WDR72: variants seen among roughly 807,000 people sequenced by gnomAD.
WDR72 encodes the protein WD repeat domain 72, also known as WD repeat-containing protein 72.
A neutral mutation model predicts 124.2 loss-of-function variants in WDR72; 120 were observed. The ratio of observed to expected loss-of-function variants is 0.97; its 90% CI spans 0.83 to 1.12. The LOEUF is 1.12. Among genes scored for constraint, WDR72 ranks in the 50% most tolerant of loss-of-function variants. WDR72 has a pLI of 0.00. For synonymous variants in WDR72, 452 were observed against 441.7 expected (o/e 1.02, Z -0.29); for missense variants, 1,387 against 1,278.8 (o/e 1.08, Z -1.29).
At chr15:53,602,973 C>T (rs2140348455) in intron 17 of WDR72, among the ~76,000 whole-genome samples, 1 of 152,204 alleles carries the variant, frequency 6.6e-6, no homozygotes, top group East Asian at 1.9e-4. Flanking sequence ...AGGATTCGTC[C>T]CTAACTCATT....
chr15:53,620,303 A>G (rs1306294695), intron 14 of WDR72, among the ~76,000 whole-genome samples: 1 of 152,054 alleles, frequency 6.6e-6, no homozygotes, highest in Non-Finnish European at 1.5e-5. Context: ...CCAAAAATTC[A>G]TATATATTGT....
Position 53,730,980 on chromosome 15 carries a change from C to T in WDR72, c.153+2017G>A, listed in dbSNP as rs922705672. ...AAGATTCATGGGAAAATAAGAGATG[C>T]TATTTATTCAGTCTGGCTCTATGGT... is the stretch of plus-strand genomic sequence containing the variant. On this transcript the variant is annotated intron_variant, in intron 2 of 19. Transcript: ENST00000360509. 5.9e-5 allele frequency among the ~76,000 whole-genome samples: 9 copies of T among 151,654 alleles called. No individual in the cohort carries two copies. In the South Asian group the frequency reaches 1.9e-3, roughly 32 times the overall value.
chr15:53,705,071 C>A lies in WDR72; in HGVS notation c.1265G>T (p.Gly422Val), dbSNP rs367586778. The change falls in exon 11 of 20, where the codon GGC becomes GTC. Residue 422 changes from glycine to valine, a missense_variant. Coordinates refer to ENST00000360509, the MANE Select transcript of WDR72 (RefSeq NM_182758.4). ...AATGATAATTGTCCCATCTTCACAG[C>A]CACATATTAGTTTATCAAGACTTGG... ...YIPSLDKLIC[G>V]CEDGTIIITQ... 6.2e-7 allele frequency: 1 copy of A among 1,614,048 alleles called. No homozygotes were observed. Among genetic ancestry groups the A allele is most frequent in the Non-Finnish European group, 8.5e-7 (1 of 1,180,014 alleles).
chr15:53,565,673 ATTAAG>A (rs1453571027), intron 18 of WDR72, among the ~76,000 whole-genome samples: 7 of 151,954 alleles, frequency 4.6e-5, no homozygotes, highest in African/African-American at 1.4e-4. Context: ...CTGATGGACA[ATTAAG>A]TTATTTTCAA....
chr15:53,712,632 TA>T, intron 7 of WDR72, 139 bp downstream of exon 7: 1 of 902,270 alleles, frequency 1.1e-6, no homozygotes. Flanking sequence ...ACGTCAGTCA[TA>T]AAAGACACAT....
At chr15:53,681,277 C>T (rs2016374698) in intron 13 of WDR72, among the ~76,000 whole-genome samples, 1 of 152,112 alleles carries the variant, frequency 6.6e-6, no homozygotes, top group South Asian at 2.1e-4. Flanking sequence ...TGAAAGAAGG[C>T]AGCGTGGGGA....
chr15:53,575,037 ACAC>A (rs1249933600), intron 18 of WDR72, among the ~76,000 whole-genome samples: 4 of 151,486 alleles, frequency 2.6e-5, no homozygotes, highest in Admixed American at 2.6e-4. Flanking sequence ...ACACACACAC[ACAC>A]ATTTAAAATG....
intron 19 of WDR72, among the ~76,000 whole-genome samples, chr15:53,520,588 C>T (rs937431483): frequency 6.6e-6 from 1 of 152,052 alleles, no homozygotes; most frequent in Non-Finnish European, 1.5e-5. Context: ...TCCCAAATCT[C>T]ACCACCTAAA....
rs187379392 is a variant in WDR72 at position 53,537,260 on chromosome 15, T to C, written c.3149-13938A>G. ...ACAAGGATTCTGCTTCTAAGAGTGA[T>C]GGTTTAATTGAATGACATTGTATAA... On this transcript the variant is annotated intron_variant, in intron 18 of 19. Transcript: ENST00000360509. Among the ~76,000 whole-genome samples the C allele has an allele frequency of 1.3e-4, 20 of 152,296 alleles. No individual in the cohort carries two copies. The South Asian group carries it at 3.3e-3, about 25-fold the overall frequency.
At chr15:53,750,441 G>C (rs186649453) in intron 1 of WDR72, among the ~76,000 whole-genome samples, 1 of 152,114 alleles carries the variant, frequency 6.6e-6, no homozygotes, top group Admixed American at 6.5e-5. Flanking sequence ...ACAATGCACC[G>C]AGTCAACCAA....
intron 18 of WDR72, among the ~76,000 whole-genome samples, chr15:53,581,507 A>G (rs746881488): frequency 1.6e-4 from 25 of 152,206 alleles, no homozygotes; most frequent in Non-Finnish European, 2.8e-4. Flanking sequence ...TTCTTTCTTA[A>G]ACAATAAAAT....
At chr15:53,748,575 C>T (rs1489328598) in intron 1 of WDR72, among the ~76,000 whole-genome samples, 1 of 152,092 alleles carries the variant, frequency 6.6e-6, no homozygotes, top group African/African-American at 2.4e-5. Flanking sequence ...CTTTCCTCTA[C>T]CTTTCAAAAC....
chr15:53,648,292 T>G (rs1310145035), intron 14 of WDR72, among the ~76,000 whole-genome samples: 1 of 152,150 alleles, frequency 6.6e-6, no homozygotes, highest in African/African-American at 2.4e-5. Flanking sequence ...TCTCTATATG[T>G]TTTTGTCAAT....
chr15:53,718,839 TAAG>T (rs929295147), intron 3 of WDR72, among the ~76,000 whole-genome samples: 101 of 151,562 alleles, frequency 6.7e-4, no homozygotes, highest in Non-Finnish European at 1.3e-3. Context: ...TTAAAAATCT[TAAG>T]AATTTTTAAA....
intron 18 of WDR72, among the ~76,000 whole-genome samples, chr15:53,562,926 T>C (rs1288779789): frequency 2.0e-5 from 3 of 151,824 alleles, no homozygotes; most frequent in Non-Finnish European, 4.4e-5. Context: ...GTTCTCTAAG[T>C]TACTTAAATC....
chr15:53,685,457 A>G (rs2016584853), intron 13 of WDR72, among the ~76,000 whole-genome samples: 1 of 137,142 alleles, frequency 7.3e-6, no homozygotes, highest in Non-Finnish European at 1.5e-5. Context: ...AAGAAAGGGT[A>G]TCAGTGATGG....
At chr15:53,669,593 G>C (rs2015919838) in intron 13 of WDR72, among the ~76,000 whole-genome samples, 1 of 152,008 alleles carries the variant, frequency 6.6e-6, no homozygotes, top group African/African-American at 2.4e-5. Context: ...ATTAAACCCT[G>C]ATTAATACAC....
At chr15:53,749,924 G>C (rs1162629281) in intron 1 of WDR72, among the ~76,000 whole-genome samples, 2 of 152,172 alleles carry the variant, frequency 1.3e-5, no homozygotes, top group Non-Finnish European at 2.9e-5. Context: ...CAGTGGAAAA[G>C]CTGGAAGCTA....
chr15:53,731,384 C>A (rs1299840060), intron 2 of WDR72, among the ~76,000 whole-genome samples: 1 of 151,956 alleles, frequency 6.6e-6, no homozygotes, highest in Non-Finnish European at 1.5e-5. Flanking sequence ...CAGCCCATAT[C>A]TCTATCCCTG....
Sources: gnomAD v4.1 joint callset for allele counts (sites outside exome capture counted in the v4.1 genomes callset) on GRCh38, gnomAD v4.1.1 for gene constraint, MANE v1.5 for transcripts, NCBI Gene and HGNC (gene_info 2026-07-23, HGNC 2026-07-21) for gene names.